Variants in EPHA5 observed in about 807,000 individuals in gnomAD.
EPHA5 encodes ephrin type-A receptor 5.
EPHA5 carries 60 observed loss-of-function variants against 105.0 expected under a neutral mutation model. That is an observed-to-expected ratio of 0.57 (90% CI 0.46 to 0.71). The LOEUF is 0.71. EPHA5 is among the 30% of genes least tolerant of loss of function. The pLI, the probability that EPHA5 is intolerant of heterozygous loss-of-function variation, is 0.00. For missense variants in EPHA5, 1,218 were observed against 1,274.7 expected (o/e 0.96, Z 0.68); for synonymous variants, 513 against 449.1 (o/e 1.14, Z -1.80).
intron 5 of EPHA5, among the ~76,000 whole-genome samples, chr4:65,425,423 C>T (rs1578088461): frequency 6.6e-6 from 1 of 152,028 alleles, no homozygotes; most frequent in South Asian, 2.1e-4. Flanking sequence ...CATGTCTAGG[C>T]CACTACAGTA....
In EPHA5 at chr4:65,628,974, G is replaced by A. The variant is rs544310381; in HGVS notation, c.246+14389C>T. 5.9e-5 allele frequency among the ~76,000 whole-genome samples: 9 copies of A among 152,228 alleles called. No individual in the cohort carries two copies. In the South Asian group the frequency reaches 1.2e-3, roughly 21 times the overall value. On this transcript the variant is annotated intron_variant, in intron 2 of 16. Transcript: ENST00000613740. ...AAGGATTAAGTTCGATGTTCATAAA[G>A]TATATGCACACCATTTCCATTATCT...
chr4:65,546,576 T>A (rs902477066), intron 3 of EPHA5, among the ~76,000 whole-genome samples: 9 of 152,032 alleles, frequency 5.9e-5, no homozygotes, highest in Non-Finnish European at 1.0e-4. Context: ...TTTGCAAATG[T>A]TTTAACAACT....
chr4:65,367,236 T>C (rs6853470), intron 9 of EPHA5, 121 bp downstream of exon 9: 1 of 664,632 alleles, frequency 1.5e-6, no homozygotes, highest in Non-Finnish European at 2.3e-6. Flanking sequence ...AGAACACTTT[T>C]AAAAAAAAAA....
intron 1 of EPHA5, among the ~76,000 whole-genome samples, chr4:65,661,518 T>C (rs1160386405): frequency 6.6e-6 from 1 of 152,130 alleles, no homozygotes; most frequent in African/African-American, 2.4e-5. Context: ...GTATCCCCCT[T>C]CTTAGGACAC....
intron 3 of EPHA5, among the ~76,000 whole-genome samples, chr4:65,499,254 T>C (rs556111369): frequency 2.0e-5 from 3 of 151,846 alleles, no homozygotes; most frequent in South Asian, 2.1e-4. Context: ...GAATAAAATG[T>C]ATCCTTCTTC....
At chr4:65,648,165 A>G (rs994181284) in intron 1 of EPHA5, among the ~76,000 whole-genome samples, 1 of 152,230 alleles carries the variant, frequency 6.6e-6, no homozygotes, top group Non-Finnish European at 1.5e-5. Flanking sequence ...GAATATGAAT[A>G]AGAAGATTCC....
At chr4:65,662,802 T>TTGACATC (rs1749663886) in intron 1 of EPHA5, among the ~76,000 whole-genome samples, 1 of 152,102 alleles carries the variant, frequency 6.6e-6, no homozygotes, top group Non-Finnish European at 1.5e-5. Context: ...TGATACCACA[T>TTGACATC]TGACATCCCT....
intron 5 of EPHA5, among the ~76,000 whole-genome samples, chr4:65,447,647 C>G (rs990798629): frequency 6.6e-6 from 1 of 152,012 alleles, no homozygotes; most frequent in African/African-American, 2.4e-5. Flanking sequence ...TATCCCATTC[C>G]TTGCCAACAC....
intron 3 of EPHA5, among the ~76,000 whole-genome samples, chr4:65,572,234 G>A (rs1740266332): frequency 6.6e-6 from 1 of 151,862 alleles, no homozygotes; most frequent in East Asian, 1.9e-4. Flanking sequence ...GAACTCTGAG[G>A]AAAATAAATT....
chr4:65,376,316 C>T (rs1270389669), intron 8 of EPHA5, among the ~76,000 whole-genome samples: 1 of 151,964 alleles, frequency 6.6e-6, no homozygotes, highest in Non-Finnish European at 1.5e-5. Flanking sequence ...CAAAGTAGCT[C>T]CCATTGTGTA....
At chr4:65,367,275 A>G (rs1020032769) in intron 9 of EPHA5, 82 bp downstream of exon 9, 2 of 1,223,744 alleles carry the variant, frequency 1.6e-6, no homozygotes, top group Non-Finnish European at 1.2e-6. Context: ...GTTATTATAA[A>G]TCTTGTAGCC....
intron 5 of EPHA5, among the ~76,000 whole-genome samples, chr4:65,423,482 T>A (rs940622106): frequency 1.3e-5 from 2 of 152,048 alleles, no homozygotes; most frequent in Non-Finnish European, 2.9e-5. Context: ...CATGGGAAAT[T>A]TGTCCATTTT....
rs1718336375 is a variant in EPHA5 at position 65,370,347 on chromosome 4, CTA to C, written c.1794-2925_1794-2924del. On this transcript the variant is annotated intron_variant, in intron 8 of 16. Transcript: ENST00000613740. ...CTTTTAGCCTTTAATATATGTGCCT[CTA>C]GAGAGAACAGTTATTAATGTTTCTC... 3.3e-5 allele frequency among the ~76,000 whole-genome samples: 5 copies of C among 152,214 alleles called. No individual in the cohort carries two copies. In the South Asian group the frequency reaches 1.0e-3, roughly 32 times the overall value.
chr4:65,324,325 C>A, intron 16 of EPHA5, 106 bp from the exon 17 acceptor site: 1 of 693,134 alleles, frequency 1.4e-6, no homozygotes, highest in Admixed American at 2.5e-5. Flanking sequence ...AGTTAGATTA[C>A]AGTCCTAATT....
chr4:65,614,752 A>G (rs768942851), intron 2 of EPHA5, among the ~76,000 whole-genome samples: 2 of 151,866 alleles, frequency 1.3e-5, no homozygotes, highest in Non-Finnish European at 3.0e-5. Context: ...TCCTGCTGGG[A>G]GTATATATTA....
chr4:65,654,741 T>A, intron 1 of EPHA5, among the ~76,000 whole-genome samples: 1 of 147,296 alleles, frequency 6.8e-6, no homozygotes, highest in East Asian at 2.0e-4. Flanking sequence ...CTATCTAAAT[T>A]ATAGTTATCT....
At chr4:65,411,767 A>T (rs1313545982) in intron 7 of EPHA5, among the ~76,000 whole-genome samples, 2 of 152,202 alleles carry the variant, frequency 1.3e-5, no homozygotes, top group African/African-American at 2.4e-5. Context: ...TTCTGGAAAA[A>T]AGTATTAATT....
At chr4:65,485,068 C>A (rs935271921) in intron 5 of EPHA5, among the ~76,000 whole-genome samples, 1 of 151,596 alleles carries the variant, frequency 6.6e-6, no homozygotes, top group Non-Finnish European at 1.5e-5. Flanking sequence ...ACTTGAAGAG[C>A]TAAATAATTT....
chr4:65,558,281 C>G (rs559327257), intron 3 of EPHA5, among the ~76,000 whole-genome samples: 2 of 152,258 alleles, frequency 1.3e-5, no homozygotes, highest in African/African-American at 4.8e-5. Context: ...GTAATGGTAA[C>G]AGATCACACT....
Sources: allele counts gnomAD v4.1 joint callset (sites outside exome capture counted in the v4.1 genomes callset), GRCh38; gene constraint gnomAD v4.1.1; transcripts MANE v1.5; gene names NCBI Gene and HGNC (gene_info 2026-07-23, HGNC 2026-07-21).